KIDINS220: variants seen among roughly 807,000 people sequenced by gnomAD.
KIDINS220 encodes the protein kinase D interacting substrate 220, also known as kinase D-interacting substrate of 220 kDa.
Under a neutral mutation model 157.6 loss-of-function variants are expected in KIDINS220, and 63 were observed. The observed-to-expected ratio is 0.40, with a 90% CI of 0.33 to 0.49. KIDINS220 has a LOEUF of 0.49. Among genes scored for constraint, KIDINS220 ranks in the 20% least tolerant of loss-of-function variants. The pLI is 0.66. For missense variants in KIDINS220, 1,772 were observed against 2,171.2 expected (o/e 0.82, Z 3.65); for synonymous variants, 732 against 783.6 (o/e 0.93, Z 1.10).
chr2:8,757,436 T>C, intron 22 of KIDINS220: 1 of 1,294,870 alleles, frequency 7.7e-7, no homozygotes, highest in Non-Finnish European at 9.9e-7. Context: ...CCTTTAGTCA[T>C]GAGAAGCACA....
intron 8 of KIDINS220, among the ~76,000 whole-genome samples, chr2:8,802,445 G>C (rs1166251706): frequency 6.6e-6 from 1 of 152,214 alleles, no homozygotes; most frequent in Non-Finnish European, 1.5e-5. Flanking sequence ...ATGAGGAAAA[G>C]AGAGAAATCA....
intron 22 of KIDINS220, among the ~76,000 whole-genome samples, chr2:8,758,849 GAC>G (rs1265365773): frequency 1.3e-5 from 2 of 152,140 alleles, no homozygotes; most frequent in Admixed American, 1.3e-4. Context: ...TCAGAAAGTA[GAC>G]ACTTTGTCTG....
chr2:8,796,197 G>T (rs1009266039), intron 11 of KIDINS220, among the ~76,000 whole-genome samples: 14 of 152,082 alleles, frequency 9.2e-5, no homozygotes, highest in Non-Finnish European at 1.5e-5. Flanking sequence ...TTATACATCA[G>T]TTCACTTCTA....
rs1558298283 is a variant in KIDINS220 at position 8,730,766 on chromosome 2, G to C, written c.5270C>G (p.Ser1757Cys). 1 of 1,614,126 alleles carries C rather than the reference G, an allele frequency of 6.2e-7. No individual in the cohort carries two copies. Among genetic ancestry groups the C allele is most frequent in the African/African-American group, 1.3e-5 (1 of 74,938 alleles). Residue 1757 changes from serine (S) to cysteine (C), a missense_variant, in exon 30 of 30, where the codon TCT becomes TGT. This residue lies in a region of KIDINS220 where 793 missense variants were observed against 885.5 expected (regional missense o/e 0.90). Coordinates refer to ENST00000256707, the MANE Select transcript of KIDINS220 (RefSeq NM_020738.4). The part of the protein sequence containing the change: ...KDPPELHAAA[S>C]SESTGFGEER... Reference sequence around the variant, plus strand: ...TTCTCCAAAGCCTGTGCTCTCAGAAGAGGCTGCTGCATGGAGCTCCGGAGG... The same window carrying C: ...TTCTCCAAAGCCTGTGCTCTCAGAACAGGCTGCTGCATGGAGCTCCGGAGG...
rs575987518 is a variant in KIDINS220 at position 8,730,098 on chromosome 2, G to A, written c.*622C>T. 9.1e-6 allele frequency: 9 copies of A among 985,696 alleles called. No individual in the cohort carries two copies. In the South Asian group the frequency reaches 1.9e-4, roughly 21 times the overall value. The allele number at this position is 985,696 out of a possible 1,614,324, so 61.1% of individuals were successfully genotyped here. On this transcript the variant is annotated 3_prime_UTR_variant, in exon 30 of 30. Transcript: ENST00000256707. ...TCTCCTAACAGCTCAGGACAGCCCC[G>A]TCACACTACTGCCAGCCCTGGTGAC... is the stretch of plus-strand genomic sequence containing the variant.
chr2:8,817,989 G>A (rs1265408206), intron 3 of KIDINS220, among the ~76,000 whole-genome samples: 1 of 152,100 alleles, frequency 6.6e-6, no homozygotes, highest in Non-Finnish European at 1.5e-5. Context: ...TTAAAAACGA[G>A]AAAAGATGAT....
chr2:8,788,294 G>A (rs1254036418), intron 15 of KIDINS220, among the ~76,000 whole-genome samples: 1 of 150,278 alleles, frequency 6.7e-6, no homozygotes, highest in African/African-American at 2.5e-5. Flanking sequence ...TTGAGACAGA[G>A]TTTCGTTCTT....
intron 24 of KIDINS220, among the ~76,000 whole-genome samples, chr2:8,748,728 AATT>A (rs1426990940): frequency 1.4e-4 from 21 of 152,200 alleles, no homozygotes; most frequent in African/African-American, 4.3e-4. Context: ...AGCTTAGAGG[AATT>A]ATTCTGCTTT....
chr2:8,751,466 C>A lies in KIDINS220; in HGVS notation c.3190G>T (p.Asp1064Tyr). ...LDPKLREIIA[D>Y]VRAAREQISI... is the part of the protein sequence containing the mutation. ...AATTAAATTTACTACTAATACCCACCTGCAATAATTTCCCGTAGTTTGGGA... is the reference window on the plus strand; with the variant it reads ...AATTAAATTTACTACTAATACCCACATGCAATAATTTCCCGTAGTTTGGGA... The change falls in exon 23 of 30, where the codon GAT becomes TAT. Residue 1064 changes from aspartate to tyrosine, a missense_variant and splice_region_variant. By Grantham distance (160) the Asp-to-Tyr change is radical. Transcript: ENST00000256707. The A allele has an allele frequency of 6.2e-7, 1 of 1,600,586 alleles. No homozygotes were observed. Among genetic ancestry groups the A allele is most frequent in the Non-Finnish European group, 8.5e-7 (1 of 1,175,460 alleles).
At chr2:8,760,131 T>G (rs1458861693) in intron 22 of KIDINS220, among the ~76,000 whole-genome samples, 1 of 152,248 alleles carries the variant, frequency 6.6e-6, no homozygotes, top group Non-Finnish European at 1.5e-5. Flanking sequence ...AAAAGAATGC[T>G]GTTACATATT....
In KIDINS220 at chr2:8,780,756, C is replaced by CA. The variant is rs147002496; in HGVS notation, c.2230-943dup. Among the ~76,000 whole-genome samples, 5 of 147,038 alleles carry CA rather than the reference C, an allele frequency of 3.4e-5. No individual in the cohort carries two copies. In the South Asian group the frequency reaches 6.4e-4, roughly 19 times the overall value. ...TATTGCAAACCCTAGGGCAACCACTCAAAAAAAACAGTTTAAAAAAAAGTA... is the reference window on the plus strand; with the variant it reads ...TATTGCAAACCCTAGGGCAACCACTCAAAAAAAAACAGTTTAAAAAAAAGTA... On this transcript the variant is annotated intron_variant, in intron 17 of 29. Transcript: ENST00000256707.
At position 8,731,332 on chromosome 2, in the gene KIDINS220, T is replaced by C. The variant is rs1664061236; in HGVS notation, c.4704A>G (p.Lys1568=). The change falls in exon 30 of 30, where the codon AAA becomes AAG. Residue 1568 remains lysine (K), a synonymous_variant. Transcript: ENST00000256707. This position sits in a 1 kb window ranked among gnomAD's most constrained non-coding sequence, Gnocchi z 5.2. ...HSAEPIRTFI[K]AKEYLSDALL... ...GCGCATCCGATAAATACTCTTTGGC[T>C]TTAATGAAGGTTCTGATCGGCTCAG... 6.2e-7 allele frequency: 1 copy of C among 1,614,116 alleles called. No homozygotes were observed. The highest frequency in any genetic ancestry group is 8.5e-7 in the Non-Finnish European group (1 of 1,180,050).
At chr2:8,756,474 A>G (rs1668027011) in intron 22 of KIDINS220, among the ~76,000 whole-genome samples, 1 of 152,196 alleles carries the variant, frequency 6.6e-6, no homozygotes, top group African/African-American at 2.4e-5. Context: ...TGCAATGTTG[A>G]ATAGCAGTGG....
At position 8,796,925 on chromosome 2, in the gene KIDINS220, G is replaced by T. The variant is rs75269969; in HGVS notation, c.1000-56C>A. On this transcript the variant is annotated intron_variant, in intron 10 of 29. Coordinates refer to ENST00000256707, the MANE Select transcript of KIDINS220 (RefSeq NM_020738.4). Reference sequence around the variant, plus strand: ...TTAATAGCTTGACTCCTGTGTTTATGTCATACAAATGCACATGTCAAGAAA... The same window carrying T: ...TTAATAGCTTGACTCCTGTGTTTATTTCATACAAATGCACATGTCAAGAAA... The T allele has an allele frequency of 0.015, 18,546 of 1,235,992 alleles. 1,643 individuals carry two copies. In the African/African-American group the frequency reaches 0.22, roughly 14 times the overall value. The allele number at this position is 1,235,992 out of a possible 1,614,324, so 76.6% of individuals were successfully genotyped here. A position where few individuals can be genotyped will look rare whatever the true frequency, so the allele number is the denominator to read the frequency against.
chr2:8,799,991 A>G (rs1445509149), intron 9 of KIDINS220, among the ~76,000 whole-genome samples: 1 of 152,204 alleles, frequency 6.6e-6, no homozygotes, highest in African/African-American at 2.4e-5. Flanking sequence ...GGAGAAGAAA[A>G]TAAAACAACA....
intron 11 of KIDINS220, among the ~76,000 whole-genome samples, chr2:8,795,480 C>T (rs981991378): frequency 6.6e-6 from 1 of 152,178 alleles, no homozygotes; most frequent in East Asian, 1.9e-4. Flanking sequence ...CATTAATCGT[C>T]ACTTTTAAAA....
At position 8,779,638 on chromosome 2, in the gene KIDINS220, A is replaced by G. The variant is rs1050500674; in HGVS notation, c.2370+36T>C. On this transcript the variant is annotated intron_variant, in intron 18 of 29. Transcript: ENST00000256707. ...CAAACATTCTCTCAAGTGCCACAACATAACAATGGTGGCTTTTGAGGTGGC... is the reference window on the plus strand; with the variant it reads ...CAAACATTCTCTCAAGTGCCACAACGTAACAATGGTGGCTTTTGAGGTGGC... 6.3e-6 allele frequency: 10 copies of G among 1,591,682 alleles called. No homozygotes were observed. In the African/African-American group the frequency reaches 9.4e-5, roughly 15 times the overall value.
intron 16 of KIDINS220, 43 bp from the exon 17 acceptor site, chr2:8,786,073 T>C: frequency 1.3e-6 from 2 of 1,567,356 alleles, no homozygotes; most frequent in Non-Finnish European, 1.7e-6. Flanking sequence ...ATATCAAGGA[T>C]CTAGAAAATC....
downstream of KIDINS220, chr2:8,725,561 T>C (rs917997716): frequency 6.6e-6 from 1 of 152,160 alleles, no homozygotes; most frequent in Non-Finnish European, 1.5e-5. Context: ...CACCCCCTTA[T>C]TATTTGGTGA....
Sources: gnomAD v4.1 joint callset for allele counts (sites outside exome capture counted in the v4.1 genomes callset) on GRCh38, gnomAD v4.1.1 for gene constraint, gnomAD v4.1.1 regional missense constraint, Gnocchi (gnomAD v3.1) non-coding constraint, MANE v1.5 for transcripts, NCBI Gene and HGNC (gene_info 2026-07-23, HGNC 2026-07-21) for gene names.